Variants in SEMA3C observed in about 807,000 individuals in gnomAD.
SEMA3C encodes semaphorin-3C.
SEMA3C carries 47 observed loss-of-function variants against 89.4 expected under a neutral mutation model. That is an observed-to-expected ratio of 0.53 (90% confidence interval 0.42 to 0.67). SEMA3C has a LOEUF of 0.67. SEMA3C is among the 30% of genes least tolerant of loss of function. The probability of loss-of-function intolerance (pLI) is 0.00; values close to 1 mark genes in which losing one functional copy is unlikely to be tolerated. For missense variants in SEMA3C, 839 were observed against 929.1 expected (o/e 0.90, Z 1.26); for synonymous variants, 310 against 320.2 (o/e 0.97, Z 0.34).
At chr7:80,851,459 G>A (rs937456873) in intron 2 of SEMA3C, among the ~76,000 whole-genome samples, 7 of 144,302 alleles carry the variant, frequency 4.9e-5, no homozygotes, top group African/African-American at 1.6e-4. Context: ...AGCCGAGGTC[G>A]TGCCACTGCG....
chr7:80,909,185 A>G (rs927244107), intron 2 of SEMA3C, among the ~76,000 whole-genome samples: 1 of 152,164 alleles, frequency 6.6e-6, no homozygotes, highest in Non-Finnish European at 1.5e-5. Context: ...CTATAAGGAA[A>G]TAAGTTTTTC....
intron 2 of SEMA3C, among the ~76,000 whole-genome samples, chr7:80,833,657 A>G (rs1362712643): frequency 6.6e-6 from 1 of 152,010 alleles, no homozygotes; most frequent in East Asian, 1.9e-4. Flanking sequence ...AACCAGGGAG[A>G]TTTACTTCAG....
chr7:80,787,214 A>G (rs1562874729), intron 12 of SEMA3C, among the ~76,000 whole-genome samples: 1 of 152,000 alleles, frequency 6.6e-6, no homozygotes, highest in South Asian at 2.1e-4. Context: ...CAACATGGTG[A>G]AACCCTGTCT....
At position 80,828,768 on chromosome 7, in the gene SEMA3C, T is replaced by C. The variant is rs1312687881; in HGVS notation, c.104-23A>G. ...GTTCTGAAAGAGTGAACAGCACAAG[T>C]GTAGATACAGTATCCTGGTTCTATA... is the stretch of plus-strand genomic sequence containing the variant. On this transcript the variant is annotated intron_variant, in intron 2 of 17. Coordinates refer to ENST00000265361, the MANE Select transcript of SEMA3C (RefSeq NM_006379.5). The C allele has an allele frequency of 2.6e-6, 4 of 1,557,428 alleles. No individual in the cohort carries two copies. In the African/African-American group the frequency reaches 4.1e-5, roughly 16 times the overall value.
At chr7:80,842,724 G>A (rs1362421475) in intron 2 of SEMA3C, among the ~76,000 whole-genome samples, 1 of 152,080 alleles carries the variant, frequency 6.6e-6, no homozygotes, top group African/African-American at 2.4e-5. Flanking sequence ...GATAGCTGGG[G>A]TGGTGTTATT....
At chr7:80,852,090 T>G (rs1046877700) in intron 2 of SEMA3C, among the ~76,000 whole-genome samples, 1 of 152,174 alleles carries the variant, frequency 6.6e-6, no homozygotes, top group African/African-American at 2.4e-5. Flanking sequence ...GACAGAGTGT[T>G]GCCACAGATG....
At chr7:80,819,735 T>C (rs956360861) in intron 4 of SEMA3C, among the ~76,000 whole-genome samples, 6 of 152,182 alleles carry the variant, frequency 3.9e-5, no homozygotes, top group African/African-American at 1.4e-4. Flanking sequence ...ATAATTATTG[T>C]AATTCTCAAT....
chr7:80,919,746 G>T (rs543340503), upstream of SEMA3C, among the ~76,000 whole-genome samples: 5 of 151,778 alleles, frequency 3.3e-5, no homozygotes, highest in South Asian at 8.3e-4. Flanking sequence ...CCACCACCAC[G>T]CCCAGCTAAT....
chr7:80,851,162 C>T (rs912871835), intron 2 of SEMA3C, among the ~76,000 whole-genome samples: 1 of 152,090 alleles, frequency 6.6e-6, no homozygotes, highest in Non-Finnish European at 1.5e-5. Flanking sequence ...ATAATTCTCC[C>T]ATCTCAAGAG....
intron 12 of SEMA3C, among the ~76,000 whole-genome samples, chr7:80,766,661 C>T (rs1410080101): frequency 0.028 from 3 of 108 alleles, no homozygotes; most frequent in African/African-American, 0.05. Flanking sequence ...TTCCTCAAGA[C>T]GCCAAGAACC....
intron 12 of SEMA3C, among the ~76,000 whole-genome samples, chr7:80,765,661 C>T (rs1481838274): frequency 6.6e-6 from 1 of 152,120 alleles, no homozygotes; most frequent in Admixed American, 6.5e-5. Flanking sequence ...ACTGCAACCT[C>T]CACCTTCCGG....
At chr7:80,769,678 C>T (rs1191144376) in intron 12 of SEMA3C, among the ~76,000 whole-genome samples, 6 of 151,922 alleles carry the variant, frequency 3.9e-5, no homozygotes, top group East Asian at 3.9e-4. Context: ...GCCAACATGG[C>T]GAAACCCTGT....
intron 15 of SEMA3C, among the ~76,000 whole-genome samples, chr7:80,753,257 C>T (rs1450102015): frequency 6.6e-6 from 1 of 152,138 alleles, no homozygotes; most frequent in Non-Finnish European, 1.5e-5. Flanking sequence ...TCTAGAATAG[C>T]TCGCATATCA....
intron 2 of SEMA3C, among the ~76,000 whole-genome samples, chr7:80,844,057 G>A (rs895618020): frequency 6.6e-6 from 1 of 151,996 alleles, no homozygotes. Flanking sequence ...TGAATCATGG[G>A]TACCTTTCCC....
chr7:80,819,284 T>G (rs1243920868), intron 4 of SEMA3C, among the ~76,000 whole-genome samples: 1 of 146,362 alleles, frequency 6.8e-6, no homozygotes, highest in African/African-American at 2.5e-5. Flanking sequence ...CCACCGCAGA[T>G]AGTAAGTAAA....
At chr7:80,814,567 C>T (rs770873223) in intron 5 of SEMA3C, among the ~76,000 whole-genome samples, 9 of 152,112 alleles carry the variant, frequency 5.9e-5, no homozygotes, top group Admixed American at 2.6e-4. Context: ...ATGACTCACA[C>T]GTGTATATAC....
intron 2 of SEMA3C, among the ~76,000 whole-genome samples, chr7:80,884,404 C>A (rs1791423950): frequency 6.6e-6 from 1 of 152,112 alleles, no homozygotes; most frequent in African/African-American, 2.4e-5. Context: ...ATGTGAGACC[C>A]TCATAACTAA....
intron 17 of SEMA3C, among the ~76,000 whole-genome samples, chr7:80,746,747 G>GTGTGTGTGTGTGTGTGTGTGTGTGT (rs1554357889): frequency 6.6e-6 from 1 of 150,612 alleles, no homozygotes; most frequent in Non-Finnish European, 1.5e-5. Flanking sequence ...GTGTGTGTGT[G>GTGTGTGTGTGTGTGTGTGTGTGTGT]GAGGGGAGGA....
chr7:80,764,102 C>T (rs3807101), intron 13 of SEMA3C, among the ~76,000 whole-genome samples: 16,795 of 152,192 alleles, frequency 0.11, 981 homozygotes, highest in Admixed American at 0.15. Context: ...TACCCACTTA[C>T]GTGCTTATAA....
Sources: gnomAD v4.1 joint callset for allele counts (sites outside exome capture counted in the v4.1 genomes callset) on GRCh38, gnomAD v4.1.1 for gene constraint, MANE v1.5 for transcripts, NCBI Gene and HGNC (gene_info 2026-07-23, HGNC 2026-07-21) for gene names.